The following TET3 variants were observed in gnomAD, a reference collection of about 807,000 sequenced individuals.
The protein encoded by TET3 is tet methylcytosine dioxygenase 3.
TET3 carries 19 observed loss-of-function variants against 141.4 expected under a neutral mutation model. The ratio of observed to expected loss-of-function variants is 0.13; its 90% CI spans 0.09 to 0.20. The LOEUF (loss-of-function observed/expected upper bound fraction) is 0.20. TET3 is among the 10% of genes least tolerant of loss of function. The probability of loss-of-function intolerance (pLI) is 1.00; values close to 1 mark genes in which losing one functional copy is unlikely to be tolerated. For missense variants in TET3, 1,874 were observed against 2,356.9 expected (o/e 0.80, Z 4.24); for synonymous variants, 1,043 against 980.9 (o/e 1.06, Z -1.18).
rs975974360 is a variant in TET3 at position 74,106,622 on chromosome 2, C to T, written c.*4446C>T. 6.5e-6 allele frequency: 1 copy of T among 153,842 alleles called. No individual in the cohort carries two copies. The highest frequency in any genetic ancestry group is 1.9e-4 in the East Asian group (1 of 5,184). 9.5% of individuals were successfully genotyped at this position (153,842 alleles called of 1,614,324 possible). Reference sequence around the variant, plus strand: ...AAGGAAGGAGCTTTCTTTGCTCACTCGATGCCACTGAGGCTGCTTTTTAGT... The same window carrying T: ...AAGGAAGGAGCTTTCTTTGCTCACTTGATGCCACTGAGGCTGCTTTTTAGT... On this transcript the variant is annotated 3_prime_UTR_variant, in exon 12 of 12. Coordinates refer to ENST00000409262, the MANE Select transcript of TET3 (RefSeq NM_001287491.2).
At chr2:74,114,095 T>C in the TET3 span, among the ~76,000 whole-genome samples, 8 of 152,190 alleles carry the variant, frequency 5.3e-5, no homozygotes, top group East Asian at 1.5e-3. Context: ...GGTACTGGCA[T>C]AAAAATAGAC....
At position 74,104,881 on chromosome 2, in the gene TET3, C is replaced by A; in HGVS notation, c.*2705C>A. The A allele has an allele frequency of 3.3e-6, 1 of 302,812 alleles. No homozygotes were observed. The highest frequency in any genetic ancestry group is 6.0e-6 in the Non-Finnish European group (1 of 166,860). 18.8% of individuals were successfully genotyped at this position (302,812 alleles called of 1,614,324 possible). Reference sequence around the variant, plus strand: ...AGAGGCAGTCTCCATTGGATGTCCCCACTCCCCGCAGAATGGCGTTTCCAG... The same window carrying A: ...AGAGGCAGTCTCCATTGGATGTCCCAACTCCCCGCAGAATGGCGTTTCCAG... On this transcript the variant is annotated 3_prime_UTR_variant, in exon 12 of 12. Transcript: ENST00000409262.
At chr2:74,133,388 G>A in the TET3 span, among the ~76,000 whole-genome samples, 1 of 152,252 alleles carries the variant, frequency 6.6e-6, no homozygotes, top group East Asian at 1.9e-4. Flanking sequence ...AAATTGGGGA[G>A]TGGCTCAGCT....
chr2:74,091,936 A>G (rs1475501208), intron 8 of TET3, among the ~76,000 whole-genome samples: 1 of 152,200 alleles, frequency 6.6e-6, no homozygotes, highest in Non-Finnish European at 1.5e-5. Context: ...TGCTGTCCAT[A>G]CAGGAGCCAC....
chr2:73,998,967 G>GAC (rs1486228386), intron 2 of TET3, among the ~76,000 whole-genome samples: 3 of 152,212 alleles, frequency 2.0e-5, no homozygotes, highest in Non-Finnish European at 4.4e-5. Context: ...GACACACAGA[G>GAC]AGACAGACAA....
intron 3 of TET3, among the ~76,000 whole-genome samples, chr2:74,011,618 T>C (rs1432645425): frequency 6.6e-6 from 1 of 152,266 alleles, no homozygotes; most frequent in Non-Finnish European, 1.5e-5. Context: ...TTTAGTTTCT[T>C]TTCTACCTGG....
chr2:73,986,454 T>G lies in TET3; in HGVS notation c.51T>G (p.Leu17=), dbSNP rs1684030319. The change falls in exon 2 of 12, where the codon CTT becomes CTG. Residue 17 remains leucine, a synonymous_variant. Transcript: ENST00000409262. ...PLAVQPDLPG[L]YDFPQRQVMV... ...CCGTCCAGCCGGACCTGCCAGGCCT[T>G]TATGACTTCCCTCAGCGCCAGGTGA... 1 of 1,232,156 alleles carries G rather than the reference T, an allele frequency of 8.1e-7. No individual in the cohort carries two copies. Among genetic ancestry groups the G allele is most frequent in the Admixed American group, 4.2e-5 (1 of 23,708 alleles). 76.3% of individuals were successfully genotyped at this position (1,232,156 alleles called of 1,614,324 possible). A position where few individuals can be genotyped will look rare whatever the true frequency, so the allele number is the denominator to read the frequency against.
intron 3 of TET3, among the ~76,000 whole-genome samples, chr2:74,018,889 T>C (rs966163674): frequency 6.6e-6 from 1 of 152,162 alleles, no homozygotes; most frequent in Non-Finnish European, 1.5e-5. Flanking sequence ...TTACAATGAA[T>C]CTTCCTATCC....
At chr2:74,121,090 A>G in the TET3 span, 1 of 152,208 alleles carries the variant, frequency 6.6e-6, no homozygotes, top group Non-Finnish European at 1.5e-5. Flanking sequence ...TGCTGAGCAC[A>G]TCAGTATTTT....
intron 3 of TET3, among the ~76,000 whole-genome samples, chr2:74,023,044 G>A (rs1471629133): frequency 3.9e-5 from 6 of 152,110 alleles, no homozygotes; most frequent in Middle Eastern, 3.2e-3. Context: ...CCAAAGTGCT[G>A]GGATTACAAA....
At position 73,986,356 on chromosome 2, in the gene TET3, C is replaced by G; in HGVS notation, c.-48C>G. 2 of 1,230,680 alleles carry G rather than the reference C, an allele frequency of 1.6e-6. No individual in the cohort carries two copies. The highest frequency in any genetic ancestry group is 2.0e-6 in the Non-Finnish European group (2 of 986,870). 76.2% of individuals were successfully genotyped at this position (1,230,680 alleles called of 1,614,324 possible). ...GGTGGCCTTTGGAGGTGGCAGGAAA[C>G]GACTGTGGTTCTGCCCCAGCACCTA... On this transcript the variant is annotated 5_prime_UTR_variant, in exon 2 of 12. Coordinates refer to ENST00000409262, the MANE Select transcript of TET3 (RefSeq NM_001287491.2).
chr2:73,994,984 G>A (rs992238003), intron 2 of TET3, among the ~76,000 whole-genome samples: 2 of 151,552 alleles, frequency 1.3e-5, no homozygotes, highest in South Asian at 2.1e-4. Context: ...TTGTTTTGAC[G>A]GAGTCTTGCT....
At chr2:74,091,994 G>A (rs1690523667) in intron 8 of TET3, among the ~76,000 whole-genome samples, 1 of 152,220 alleles carries the variant, frequency 6.6e-6, no homozygotes, top group South Asian at 2.1e-4. Flanking sequence ...CCAAGGGACT[G>A]AATTGCTTTA....
intron 10 of TET3, among the ~76,000 whole-genome samples, chr2:74,097,839 A>G (rs1003835523): frequency 1.3e-5 from 2 of 152,110 alleles, no homozygotes; most frequent in East Asian, 1.9e-4. Context: ...TTGCTGGTTC[A>G]TATATCAGAG....
rs373230941 is a variant in TET3, at chr2:74,106,179, G to A, written c.*4003G>A. Reference sequence around the variant, plus strand: ...GCTCTGAGCAGTGTTGTGTTGTGTTGTATTGTTCTTCCCTTGGTGGCCAAA... The same window carrying A: ...GCTCTGAGCAGTGTTGTGTTGTGTTATATTGTTCTTCCCTTGGTGGCCAAA... On this transcript the variant is annotated 3_prime_UTR_variant, in exon 12 of 12. Coordinates refer to ENST00000409262, the MANE Select transcript of TET3 (RefSeq NM_001287491.2). 6.6e-6 allele frequency: 1 copy of A among 151,564 alleles called. No homozygotes were observed. The allele number at this position is 151,564 out of a possible 1,614,324, so 9.4% of individuals were successfully genotyped here.
In TET3 at chr2:74,101,104, C is replaced by T; in HGVS notation, c.4316C>T (p.Ser1439Leu). The part of the protein sequence containing the change: ...GGPSHLWGQY[S>L]GGPSMSPKRT... ...CCCAGTCACCTTTGGGGACAGTACT[C>T]AGGAGGCCCAAGCATGTCCCCCAAG... is the stretch of plus-strand genomic sequence containing the variant. Residue 1439 changes from serine to leucine, a missense_variant, in exon 12 of 12, where the codon TCA (serine) becomes TTA (leucine). Physicochemically the swap from Ser to Leu is moderately radical, Grantham distance 145. This residue lies in a region of TET3 where 602 missense variants were observed against 590.2 expected (regional missense o/e 1.02). Coordinates refer to ENST00000409262, the MANE Select transcript of TET3 (RefSeq NM_001287491.2). The surrounding 1 kb of genome is among the most constrained non-coding windows in gnomAD (Gnocchi z 8.5). The T allele has an allele frequency of 1.2e-6, 2 of 1,613,330 alleles. No homozygotes were observed. The highest frequency in any genetic ancestry group is 1.7e-6 in the Non-Finnish European group (2 of 1,179,608).
intron 4 of TET3, among the ~76,000 whole-genome samples, chr2:74,055,661 CTT>C (rs1688178849): frequency 6.6e-6 from 1 of 152,192 alleles, no homozygotes; most frequent in South Asian, 2.1e-4. Context: ...TTTCCCCAAA[CTT>C]ACATTGAAAC....
chr2:74,101,160 G>A lies in TET3; in HGVS notation c.4372G>A (p.Val1458Met). The A allele has an allele frequency of 6.2e-7, 1 of 1,613,878 alleles. No homozygotes were observed. Among genetic ancestry groups the A allele is most frequent in the Non-Finnish European group, 8.5e-7 (1 of 1,179,878 alleles). Reference protein sequence around the residue: ...RTNGVGGSWGVFSSGESPAIV... With the variant: ...RTNGVGGSWGMFSSGESPAIV... ...TAACGGTGTGGGTGGCAGCTGGGGT[G>A]TGTTCTCGTCTGGGGAGAGTCCTGC... Residue 1458 changes from valine (V) to methionine (M), a missense_variant, in exon 12 of 12, where the codon GTG (valine) becomes ATG (methionine). Coordinates refer to ENST00000409262, the MANE Select transcript of TET3 (RefSeq NM_001287491.2). The surrounding 1 kb of genome is among the most constrained non-coding windows in gnomAD (Gnocchi z 8.5).
intron 4 of TET3, among the ~76,000 whole-genome samples, chr2:74,072,949 T>C (rs533297892): frequency 6.6e-6 from 1 of 152,380 alleles, no homozygotes; most frequent in Admixed American, 6.5e-5. Flanking sequence ...GGCTGAGTAA[T>C]ATTCTGTCAT....
Sources: allele counts gnomAD v4.1 joint callset (sites outside exome capture counted in the v4.1 genomes callset), GRCh38; gene constraint gnomAD v4.1.1; regional missense constraint gnomAD v4.1.1; non-coding constraint Gnocchi (gnomAD v3.1); transcripts MANE v1.5; gene names NCBI Gene and HGNC (gene_info 2026-07-23, HGNC 2026-07-21).